Variants in AAK1 observed in about 807,000 individuals in gnomAD.
The protein encoded by AAK1 is AP2 associated kinase 1.
AAK1 carries 37 observed loss-of-function variants against 116.0 expected under a neutral mutation model. The ratio of observed to expected loss-of-function variants is 0.32; its 90% confidence interval spans 0.25 to 0.42. The LOEUF (loss-of-function observed/expected upper bound fraction) is 0.42, where lower values mean the gene tolerates loss of function less well. AAK1 is among the 10% of genes least tolerant of loss of function. The pLI is 1.00. For missense variants in AAK1, 919 were observed against 1,170.6 expected (o/e 0.79, Z 3.14); for synonymous variants, 458 against 439.9 (o/e 1.04, Z -0.51).
intron 2 of AAK1, among the ~76,000 whole-genome samples, chr2:69,633,599 CA>C (rs3075922): frequency 0.31 from 35,265 of 114,040 alleles, 4,396 homozygotes; most frequent in East Asian, 0.52. Context: ...GACGCTGTCT[CA>C]AAAAAAAAAA....
At chr2:69,505,797 C>A (rs143138257) in intron 15 of AAK1, 124 bp from the exon 16 acceptor site, 2 of 583,760 alleles carry the variant, frequency 3.4e-6, no homozygotes, top group African/African-American at 1.9e-5. Flanking sequence ...TGCATTATGG[C>A]GACACATTCA....
At chr2:69,639,583 G>A (rs376011114) in intron 2 of AAK1, among the ~76,000 whole-genome samples, 6 of 152,240 alleles carry the variant, frequency 3.9e-5, no homozygotes, top group East Asian at 1.9e-4. Context: ...ATGGCAGTGC[G>A]ACATCTTTTT....
chr2:69,532,268 A>G, intron 5 of AAK1, 106 bp from the exon 6 acceptor site: 5 of 1,372,680 alleles, frequency 3.6e-6, no homozygotes, highest in Non-Finnish European at 5.0e-6. Context: ...TGGCAGTCTC[A>G]TTAATGTGCA....
chr2:69,596,678 TCTGGAGCATGGCAGGAGCTGAGCCA>T (rs1673305101), intron 2 of AAK1, among the ~76,000 whole-genome samples: 1 of 152,242 alleles, frequency 6.6e-6, no homozygotes, highest in Non-Finnish European at 1.5e-5. Flanking sequence ...TTCATGCTTT[TCTGGAGCATGGCAGGAGCTGAGCCA>T]CCAAACCTCA....
chr2:69,501,735 C>T (rs781439616), intron 16 of AAK1, among the ~76,000 whole-genome samples: 8 of 152,076 alleles, frequency 5.3e-5, no homozygotes, highest in African/African-American at 1.4e-4. Context: ...TTTGGGAGGC[C>T]GAGGTGGGTG....
At chr2:69,501,277 G>A (rs376788699) in intron 16 of AAK1, among the ~76,000 whole-genome samples, 4 of 151,912 alleles carry the variant, frequency 2.6e-5, no homozygotes, top group East Asian at 3.9e-4. Flanking sequence ...AGCTAAAAGT[G>A]AAACAAAAAT....
Position 69,643,186 on chromosome 2 carries a change from G to A in AAK1, c.-146C>T, listed in dbSNP as rs1675825445. The A allele has an allele frequency of 7.0e-7, 1 of 1,434,330 alleles. No individual in the cohort carries two copies. Among genetic ancestry groups the A allele is most frequent in the Non-Finnish European group, 9.1e-7 (1 of 1,103,190 alleles). The allele number at this position is 1,434,330 out of a possible 1,614,324, so 88.9% of individuals were successfully genotyped here. A position where few individuals can be genotyped will look rare whatever the true frequency, so the allele number is the denominator to read the frequency against. On this transcript the variant is annotated 5_prime_UTR_variant, in exon 2 of 22. Transcript: ENST00000409085. Reference sequence around the variant, plus strand: ...ACCCGAATCCGGCCGTGGGGGTGGGGGCTGAGGGAGGATGCCTATAGGAAT... The same window carrying A: ...ACCCGAATCCGGCCGTGGGGGTGGGAGCTGAGGGAGGATGCCTATAGGAAT...
chr2:69,482,636 T>C, intron 18 of AAK1, 75 bp downstream of exon 18: 1 of 1,238,698 alleles, frequency 8.1e-7, no homozygotes, highest in Admixed American at 1.9e-5. Flanking sequence ...AGGGATTGGT[T>C]AACTAGGTAC....
In AAK1 at chr2:69,464,229, C is replaced by CAA. The variant is rs1314880400; in HGVS notation, c.*11639_*11640insTT. 1.2e-4 allele frequency: 17 copies of CAA among 145,410 alleles called. No homozygotes were observed. Among genetic ancestry groups the CAA allele is most frequent in the African/African-American group, 3.9e-4 (14 of 36,074 alleles). The allele number at this position is 145,410 out of a possible 1,614,324, so 9.0% of individuals were successfully genotyped here. ...AACAACAACAACAACAACAACAAAACCACCCCAAAACAAGCAAGCCTAGTT... is the reference window on the plus strand; with the variant it reads ...AACAACAACAACAACAACAACAAAACAACACCCCAAAACAAGCAAGCCTAGTT... On this transcript the variant is annotated 3_prime_UTR_variant, in exon 22 of 22. Transcript: ENST00000409085.
chr2:69,547,989 A>G (rs962630905), intron 3 of AAK1, among the ~76,000 whole-genome samples: 1 of 152,228 alleles, frequency 6.6e-6, no homozygotes, highest in Non-Finnish European at 1.5e-5. Flanking sequence ...ATGCTAAGTG[A>G]AAACAGACAC....
chr2:69,518,367 T>C (rs1419791243), intron 12 of AAK1, among the ~76,000 whole-genome samples: 1 of 151,504 alleles, frequency 6.6e-6, no homozygotes. Context: ...GTTACAGTTG[T>C]ATTAGAAAAA....
In AAK1 at chr2:69,471,347, A is replaced by G. The variant is rs1034246347; in HGVS notation, c.*4522T>C. 16 of 985,334 alleles carry G rather than the reference A, an allele frequency of 1.6e-5. No individual in the cohort carries two copies. Among genetic ancestry groups the G allele is most frequent in the Non-Finnish European group, 1.8e-5 (15 of 829,944 alleles). The allele number at this position is 985,334 out of a possible 1,614,324, so 61.0% of individuals were successfully genotyped here. A position where few individuals can be genotyped will look rare whatever the true frequency, so the allele number is the denominator to read the frequency against. On this transcript the variant is annotated 3_prime_UTR_variant, in exon 22 of 22. Transcript: ENST00000409085. Reference sequence around the variant, plus strand: ...GGTTTCTTGTTATAGATTTCCTAGCACTCATTCTGATTTAAGAAATCTAAG... The same window carrying G: ...GGTTTCTTGTTATAGATTTCCTAGCGCTCATTCTGATTTAAGAAATCTAAG...
intron 2 of AAK1, among the ~76,000 whole-genome samples, chr2:69,629,869 G>A (rs531694722): frequency 6.6e-6 from 1 of 152,226 alleles, no homozygotes; most frequent in East Asian, 1.9e-4. Flanking sequence ...AAACTTTGAG[G>A]TTATGGGCCC....
chr2:69,509,787 C>T (rs2104970012), intron 13 of AAK1, among the ~76,000 whole-genome samples: 2 of 152,286 alleles, frequency 1.3e-5, no homozygotes, highest in Middle Eastern at 6.8e-3. Context: ...CTGTAAAGAT[C>T]TAGAATTTAT....
chr2:69,478,873 T>A (rs1206734704), intron 20 of AAK1, 78 bp downstream of exon 20: 1 of 1,204,512 alleles, frequency 8.3e-7, no homozygotes, highest in Admixed American at 1.9e-5. Flanking sequence ...AGACTTTTGA[T>A]AAGAAAAACT....
intron 3 of AAK1, among the ~76,000 whole-genome samples, chr2:69,554,300 A>C (rs945641059): frequency 1.3e-5 from 2 of 152,204 alleles, no homozygotes; most frequent in African/African-American, 4.8e-5. Context: ...AATGCGTCTA[A>C]AAAATTCAAA....
At chr2:69,581,200 G>A (rs558614295) in intron 2 of AAK1, among the ~76,000 whole-genome samples, 6 of 152,130 alleles carry the variant, frequency 3.9e-5, no homozygotes, top group Admixed American at 6.5e-5. Context: ...TGCAACCTCC[G>A]CCTCCCGGGT....
chr2:69,513,357 T>C (rs1430212067), intron 13 of AAK1, among the ~76,000 whole-genome samples: 2 of 151,986 alleles, frequency 1.3e-5, no homozygotes, highest in African/African-American at 2.4e-5. Flanking sequence ...TCTTGCTCTG[T>C]GGCCCAGGCT....
chr2:69,482,960 T>C, intron 17 of AAK1, 148 bp from the exon 18 acceptor site: 4 of 608,110 alleles, frequency 6.6e-6, no homozygotes, highest in Non-Finnish European at 8.7e-6. Flanking sequence ...TAATATCTTG[T>C]TAACAACAGG....
Sources: allele counts gnomAD v4.1 joint callset (sites outside exome capture counted in the v4.1 genomes callset), GRCh38; gene constraint gnomAD v4.1.1; transcripts MANE v1.5; gene names NCBI Gene and HGNC (gene_info 2026-07-23, HGNC 2026-07-21).